MACROD2: variants seen among roughly 807,000 people sequenced by gnomAD.
The protein encoded by MACROD2 is mono-ADP ribosylhydrolase 2.
Under a neutral mutation model 70.4 loss-of-function variants are expected in MACROD2, and 36 were observed. The observed-to-expected ratio is 0.51, with a 90% CI of 0.39 to 0.68. The LOEUF (loss-of-function observed/expected upper bound fraction) is 0.68, where lower values mean the gene tolerates loss of function less well. MACROD2 is among the 30% of genes least tolerant of loss of function. MACROD2 has a pLI of 0.00. For missense variants in MACROD2, 496 were observed against 538.4 expected (o/e 0.92, Z 0.78); for synonymous variants, 172 against 178.8 (o/e 0.96, Z 0.30).
intron 5 of MACROD2, among the ~76,000 whole-genome samples, chr20:14,776,965 A>G (rs1157005144): frequency 6.6e-6 from 1 of 152,082 alleles, no homozygotes; most frequent in Non-Finnish European, 1.5e-5. Flanking sequence ...TGTGAGATTC[A>G]TAGATTCATT....
intron 3 of MACROD2, among the ~76,000 whole-genome samples, chr20:14,363,431 A>G (rs1412915731): frequency 3.3e-5 from 5 of 152,200 alleles, no homozygotes; most frequent in Non-Finnish European, 5.9e-5. Flanking sequence ...TATACTGCCT[A>G]CGTTATCAGT....
intron 8 of MACROD2, among the ~76,000 whole-genome samples, chr20:15,782,717 C>CAAAATAAAAAAAAAAAAAA (rs2051854245): frequency 1.2e-5 from 1 of 83,358 alleles, no homozygotes; most frequent in Non-Finnish European, 2.4e-5. Flanking sequence ...AGAGAAATGG[C>CAAAATAAAAAAAAAAAAAA]AAAAAAAAAA....
At chr20:15,336,273 A>G (rs748329999) in intron 6 of MACROD2, among the ~76,000 whole-genome samples, 1 of 151,440 alleles carries the variant, frequency 6.6e-6, no homozygotes, top group Non-Finnish European at 1.5e-5. Flanking sequence ...GTGGAGGCTT[A>G]ATAAACTGTT....
At chr20:14,294,787 A>G (rs2082413436) in intron 3 of MACROD2, among the ~76,000 whole-genome samples, 1 of 151,858 alleles carries the variant, frequency 6.6e-6, no homozygotes, top group African/African-American at 2.4e-5. Context: ...TGATTTTTAA[A>G]GTGAACCATA....
chr20:14,722,462 C>A (rs78090585), intron 5 of MACROD2, among the ~76,000 whole-genome samples: 1 of 152,176 alleles, frequency 6.6e-6, no homozygotes, highest in East Asian at 1.9e-4. Context: ...ACACGTTTTT[C>A]TTTCCCCCTG....
At chr20:14,343,983 T>C (rs1200476620) in intron 3 of MACROD2, among the ~76,000 whole-genome samples, 1 of 152,234 alleles carries the variant, frequency 6.6e-6, no homozygotes, top group East Asian at 1.9e-4. Flanking sequence ...AAATAGACTT[T>C]CTGAAAGGAA....
chr20:15,082,637 G>A (rs1037943736), intron 5 of MACROD2, among the ~76,000 whole-genome samples: 2 of 138,738 alleles, frequency 1.4e-5, no homozygotes, highest in African/African-American at 2.7e-5. Flanking sequence ...TTTAATTCAA[G>A]AAATTAGTTT....
intron 8 of MACROD2, among the ~76,000 whole-genome samples, chr20:15,694,911 G>C (rs572119151): frequency 4.6e-5 from 7 of 152,274 alleles, no homozygotes; most frequent in African/African-American, 1.7e-4. Flanking sequence ...GAGAGATGAG[G>C]ATCCAGTTTC....
chr20:14,960,024 T>A (rs1848529214), intron 5 of MACROD2, among the ~76,000 whole-genome samples: 1 of 152,176 alleles, frequency 6.6e-6, no homozygotes, highest in African/African-American at 2.4e-5. Context: ...CCCAAGGAAA[T>A]GCCTCCTGTA....
chr20:15,868,620 A>G (rs1157625102), intron 9 of MACROD2, among the ~76,000 whole-genome samples: 1 of 64,072 alleles, frequency 1.6e-5, no homozygotes, highest in South Asian at 5.5e-4. Context: ...TTTTTTTTTC[A>G]TTAGTTTGGT....
At chr20:15,834,149 G>C (rs2064086976) in intron 8 of MACROD2, among the ~76,000 whole-genome samples, 1 of 152,110 alleles carries the variant, frequency 6.6e-6, no homozygotes, top group Non-Finnish European at 1.5e-5. Flanking sequence ...TTACTATAAA[G>C]CATACAGAAT....
chr20:14,665,248 T>C (rs1036639450), intron 4 of MACROD2, among the ~76,000 whole-genome samples: 3 of 152,048 alleles, frequency 2.0e-5, no homozygotes, highest in Non-Finnish European at 2.9e-5. Context: ...GAGTAACTTA[T>C]TGAATGGCAG....
chr20:15,561,420 C>G (rs2048242446), intron 8 of MACROD2, among the ~76,000 whole-genome samples: 1 of 152,128 alleles, frequency 6.6e-6, no homozygotes, highest in African/African-American at 2.4e-5. Flanking sequence ...AGCTAAGTTT[C>G]ACATTTTGGG....
intron 4 of MACROD2, among the ~76,000 whole-genome samples, chr20:14,544,064 A>C (rs750578389): frequency 6.6e-6 from 1 of 152,178 alleles, no homozygotes; most frequent in Non-Finnish European, 1.5e-5. Context: ...CTGCTCCTAT[A>C]AAAGGCTAAT....
chr20:14,257,782 G>A (rs189717254), intron 3 of MACROD2, among the ~76,000 whole-genome samples: 158 of 152,230 alleles, frequency 1.0e-3, no homozygotes, highest in Non-Finnish European at 1.5e-3. Context: ...ATGGTTTTTA[G>A]TCACATGGAT....
intron 5 of MACROD2, among the ~76,000 whole-genome samples, chr20:14,712,136 C>G (rs1212256611): frequency 6.6e-6 from 1 of 152,032 alleles, no homozygotes; most frequent in African/African-American, 2.4e-5. Context: ...AATATGGCCT[C>G]AGGTTAGAGT....
At chr20:14,386,942 C>T (rs911481437) in intron 3 of MACROD2, among the ~76,000 whole-genome samples, 2 of 152,164 alleles carry the variant, frequency 1.3e-5, no homozygotes, top group Non-Finnish European at 2.9e-5. Flanking sequence ...ATGCAAAAAT[C>T]GGGTTGAGGC....
intron 5 of MACROD2, among the ~76,000 whole-genome samples, chr20:15,095,759 C>T (rs1425494364): frequency 6.6e-6 from 1 of 152,060 alleles, no homozygotes; most frequent in East Asian, 1.9e-4. Context: ...CCTCGTGATC[C>T]ACCCACCTTG....
At chr20:15,564,450 G>T (rs183497134) in intron 8 of MACROD2, among the ~76,000 whole-genome samples, 1 of 152,142 alleles carries the variant, frequency 6.6e-6, no homozygotes, top group Non-Finnish European at 1.5e-5. Flanking sequence ...AGTTGAAAAT[G>T]TATTTTCATG....
Sources: gnomAD v4.1 joint callset for allele counts (sites outside exome capture counted in the v4.1 genomes callset) on GRCh38, gnomAD v4.1.1 for gene constraint, MANE v1.5 for transcripts, NCBI Gene and HGNC (gene_info 2026-07-23, HGNC 2026-07-21) for gene names.